The following MORC1 variants were observed in gnomAD, a reference collection of about 807,000 sequenced individuals.
The protein encoded by MORC1 is MORC family CW-type zinc finger protein 1.
In MORC1, 59 loss-of-function variants were observed where a neutral mutation model predicts 134.9. The observed-to-expected ratio is 0.44, with a 90% confidence interval of 0.35 to 0.54. The LOEUF (loss-of-function observed/expected upper bound fraction) is 0.54, where lower values mean the gene tolerates loss of function less well. MORC1 is among the 20% of genes least tolerant of loss of function. MORC1 has a pLI of 0.00. For missense variants in MORC1, 947 were observed against 1,134.5 expected, an observed-to-expected ratio of 0.83 and a Z score of 2.37; for synonymous variants, 395 against 391.7, an observed-to-expected ratio of 1.01 and a Z score of -0.10.
intron 4 of MORC1, among the ~76,000 whole-genome samples, chr3:109,100,873 G>C (rs1014015343): frequency 6.6e-6 from 1 of 152,134 alleles, no homozygotes; most frequent in Non-Finnish European, 1.5e-5. Flanking sequence ...GTATTATAAG[G>C]AACCTGGAAA....
intron 8 of MORC1, among the ~76,000 whole-genome samples, chr3:109,079,252 A>G (rs1950481654): frequency 3.3e-5 from 5 of 152,246 alleles, no homozygotes; most frequent in Admixed American, 2.6e-4. Context: ...ACAGTCATGT[A>G]AAAGAATAAT....
At position 109,007,773 on chromosome 3, in the gene MORC1, T is replaced by G. The variant is rs1055623248; in HGVS notation, c.1705-682A>C. 3.3e-5 allele frequency among the ~76,000 whole-genome samples: 5 copies of G among 152,340 alleles called. 1 individual carries two copies. The highest frequency in any genetic ancestry group is 9.6e-5 in the African/African-American group (4 of 41,576). ...TCTTCACATGTTTATGGAGGTAATA[T>G]AGTCACATATGACAACACATGTTTA... On this transcript the variant is annotated intron_variant, in intron 17 of 27. Coordinates refer to ENST00000232603, the MANE Select transcript of MORC1 (RefSeq NM_014429.4).
At chr3:108,973,448 C>T (rs1249203224) in intron 24 of MORC1, among the ~76,000 whole-genome samples, 1 of 151,900 alleles carries the variant, frequency 6.6e-6, no homozygotes, top group East Asian at 1.9e-4. Context: ...CAGATGGGGG[C>T]ATGTGAAGGA....
chr3:109,001,172 AC>A (rs1174001092), intron 20 of MORC1, among the ~76,000 whole-genome samples: 1 of 151,764 alleles, frequency 6.6e-6, no homozygotes, highest in Non-Finnish European at 1.5e-5. Flanking sequence ...TCGCTCTTTC[AC>A]CCAGGCTGGA....
intron 5 of MORC1, 103 bp downstream of exon 5, chr3:109,100,314 A>G (rs762345180): frequency 1.1e-6 from 1 of 947,608 alleles, no homozygotes; most frequent in Non-Finnish European, 1.7e-6. Flanking sequence ...AAGTTTATAT[A>G]TTTTTTAAAG....
chr3:109,113,275 C>A (rs900240867), intron 2 of MORC1, among the ~76,000 whole-genome samples: 4 of 152,182 alleles, frequency 2.6e-5, no homozygotes, highest in Non-Finnish European at 5.9e-5. Flanking sequence ...GTTCATGGCT[C>A]TGAACAAGAC....
chr3:109,034,912 C>A (rs1949338860), intron 15 of MORC1, among the ~76,000 whole-genome samples: 1 of 152,082 alleles, frequency 6.6e-6, no homozygotes, highest in African/African-American at 2.4e-5. Context: ...TCATGCCTGG[C>A]TAATTTTTGT....
intron 21 of MORC1, among the ~76,000 whole-genome samples, chr3:108,992,636 T>C (rs1022560264): frequency 3.3e-5 from 5 of 152,232 alleles, no homozygotes; most frequent in Non-Finnish European, 4.4e-5. Context: ...CTAAAGATTA[T>C]ATTGGAAAAT....
chr3:108,963,669 C>T lies in MORC1; in HGVS notation c.2605-61G>A, dbSNP rs569528103. 7.1e-6 allele frequency: 8 copies of T among 1,122,216 alleles called. No homozygotes were observed. The South Asian group carries it at 1.3e-4, about 18-fold the overall frequency. 69.5% of individuals were successfully genotyped at this position (1,122,216 alleles called of 1,614,324 possible). On this transcript the variant is annotated intron_variant, in intron 26 of 27. Transcript: ENST00000232603. ...TAAAATATTACTTTCCCTCTAATAT[C>T]ACTAGACAATTTCATATTCCAACTC...
intron 3 of MORC1, among the ~76,000 whole-genome samples, chr3:109,104,758 G>C (rs535171940): frequency 2.6e-5 from 4 of 152,076 alleles, no homozygotes; most frequent in Non-Finnish European, 5.9e-5. Flanking sequence ...TCAGTAGTTG[G>C]ACATAGGAGT....
chr3:108,993,289 C>T (rs1187929392), intron 21 of MORC1, among the ~76,000 whole-genome samples: 1 of 152,130 alleles, frequency 6.6e-6, no homozygotes, highest in Non-Finnish European at 1.5e-5. Context: ...TTAATTGGCT[C>T]GTGGTTGCTG....
chr3:108,970,902 G>T (rs1030544418), intron 25 of MORC1, among the ~76,000 whole-genome samples: 2 of 152,140 alleles, frequency 1.3e-5, no homozygotes, highest in Non-Finnish European at 2.9e-5. Flanking sequence ...AGGAGATTTG[G>T]TAAACACAAT....
intron 7 of MORC1, 29 bp downstream of exon 7, chr3:109,094,880 T>G: frequency 6.5e-7 from 1 of 1,531,722 alleles, no homozygotes; most frequent in Non-Finnish European, 8.7e-7. Context: ...AATACTTCCA[T>G]CAAATTGTCA....
At chr3:109,078,581 T>C (rs1353836071) in intron 8 of MORC1, among the ~76,000 whole-genome samples, 3 of 151,746 alleles carry the variant, frequency 2.0e-5, no homozygotes, top group Non-Finnish European at 4.4e-5. Flanking sequence ...CCTTATTGTT[T>C]AGATTAGAAA....
chr3:109,053,120 A>C (rs938463061), intron 14 of MORC1, among the ~76,000 whole-genome samples: 1 of 152,114 alleles, frequency 6.6e-6, no homozygotes. Flanking sequence ...AAAAAAAAAA[A>C]AAAATGTTGG....
At chr3:109,080,234 T>C (rs1950497114) in intron 8 of MORC1, among the ~76,000 whole-genome samples, 1 of 152,172 alleles carries the variant, frequency 6.6e-6, no homozygotes, top group Non-Finnish European at 1.5e-5. Flanking sequence ...CTCACAATCA[T>C]GGCAGAAGGC....
At chr3:109,083,448 C>A (rs1950559511) in intron 8 of MORC1, among the ~76,000 whole-genome samples, 1 of 151,922 alleles carries the variant, frequency 6.6e-6, no homozygotes, top group South Asian at 2.1e-4. Flanking sequence ...CTATCAAAAA[C>A]AATAATATCT....
intron 4 of MORC1, among the ~76,000 whole-genome samples, chr3:109,102,770 CA>C (rs1950953950): frequency 1.3e-5 from 2 of 151,944 alleles, no homozygotes; most frequent in Non-Finnish European, 2.9e-5. Context: ...TTTAGGAATT[CA>C]AAAAAATGAA....
intron 14 of MORC1, among the ~76,000 whole-genome samples, chr3:109,045,068 A>G (rs775897724): frequency 4.6e-5 from 7 of 152,196 alleles, no homozygotes; most frequent in Non-Finnish European, 8.8e-5. Flanking sequence ...ATCAAATTCA[A>G]TAGTAAACTA....
Sources: allele counts gnomAD v4.1 joint callset (sites outside exome capture counted in the v4.1 genomes callset), GRCh38; gene constraint gnomAD v4.1.1; transcripts MANE v1.5; gene names NCBI Gene and HGNC (gene_info 2026-07-23, HGNC 2026-07-21).